The following FAM107B variants were observed in gnomAD, a reference collection of about 807,000 sequenced individuals.
FAM107B encodes family with sequence similarity 107 member B.
In FAM107B, 21 loss-of-function variants were observed where a neutral mutation model predicts 31.5. The ratio of observed to expected loss-of-function variants is 0.67; its 90% confidence interval spans 0.47 to 0.96. The LOEUF is 0.96. Among genes scored for constraint, FAM107B ranks in the 40% least tolerant of loss-of-function variants. The pLI is 0.00. For synonymous variants in FAM107B, 157 were observed against 141.5 expected, an observed-to-expected ratio of 1.11 and a Z score of -0.78; for missense variants, 452 against 377.1, an observed-to-expected ratio of 1.20 and a Z score of -1.64.
intron 2 of FAM107B, among the ~76,000 whole-genome samples, chr10:14,620,880 C>T (rs1378626508): frequency 1.3e-5 from 2 of 152,204 alleles, no homozygotes; most frequent in East Asian, 3.8e-4. Context: ...ATGTTTTGTA[C>T]TTTCCAGCAT....
At chr10:14,615,445 G>A (rs763105521) in intron 2 of FAM107B, among the ~76,000 whole-genome samples, 5 of 152,234 alleles carry the variant, frequency 3.3e-5, no homozygotes, top group Non-Finnish European at 5.9e-5. Flanking sequence ...CCTAGGCCTT[G>A]CTGAAGTGAA....
chr10:14,599,711 T>C (rs896908660), intron 2 of FAM107B, among the ~76,000 whole-genome samples: 2 of 152,196 alleles, frequency 1.3e-5, no homozygotes, highest in Non-Finnish European at 2.9e-5. Context: ...TATAAAAGAA[T>C]GTAGAATCTG....
At position 14,737,766 on chromosome 10, in the gene FAM107B, T is replaced by TTCTCTCTCTCTCTC. The variant is rs11276189; in HGVS notation, c.411+36473_411+36486dup. On this transcript the variant is annotated intron_variant, in intron 1 of 4. Coordinates refer to ENST00000181796, the MANE Select transcript of FAM107B (RefSeq NM_031453.4). Reference sequence around the variant, plus strand: ...CCATGCAGTGCTGTGCGTGCACGCTTTCTCTCTCTCTCTCTCTCTCTCTCT... The same window carrying TTCTCTCTCTCTCTC: ...CCATGCAGTGCTGTGCGTGCACGCTTTCTCTCTCTCTCTCTCTCTCTCTCTCTCTCTCTCTCTCT... 1.4e-3 allele frequency among the ~76,000 whole-genome samples: 173 copies of TTCTCTCTCTCTCTC among 127,110 alleles called. 6 individuals carry two copies. The highest frequency in any genetic ancestry group is 3.9e-3 in the Middle Eastern group (1 of 258). The allele number at this position is 127,110 out of a possible 152,430, so 83.4% of individuals were successfully genotyped here. A position where few individuals can be genotyped will look rare whatever the true frequency, so the allele number is the denominator to read the frequency against.
chr10:14,598,997 C>A (rs908468542), intron 2 of FAM107B, among the ~76,000 whole-genome samples: 3 of 152,202 alleles, frequency 2.0e-5, no homozygotes, highest in African/African-American at 4.8e-5. Flanking sequence ...CTCCACTCCT[C>A]TGGCCCAGGC....
At chr10:14,553,512 G>T in intron 2 of FAM107B, 2 of 435,040 alleles carry the variant, frequency 4.6e-6, no homozygotes, top group Non-Finnish European at 8.0e-6. Flanking sequence ...ATTAACAATG[G>T]GTAAGAAGGA....
chr10:14,646,547 C>T (rs936070703), intron 2 of FAM107B, among the ~76,000 whole-genome samples: 9 of 152,134 alleles, frequency 5.9e-5, no homozygotes, highest in Non-Finnish European at 2.9e-5. Flanking sequence ...CATATAAATG[C>T]CACATTTTCT....
chr10:14,714,408 C>T (rs1011004488), intron 1 of FAM107B, among the ~76,000 whole-genome samples: 7 of 152,156 alleles, frequency 4.6e-5, no homozygotes, highest in South Asian at 4.1e-4. Context: ...TGGCTCAGGA[C>T]GCAGGGATGA....
chr10:14,601,471 G>A (rs1983893), intron 2 of FAM107B, among the ~76,000 whole-genome samples: 12,247 of 152,150 alleles, frequency 0.08, 559 homozygotes, highest in Middle Eastern at 0.17. Context: ...ATTAGACAAG[G>A]GAACTATACA....
intron 2 of FAM107B, among the ~76,000 whole-genome samples, chr10:14,655,198 C>T (rs1018266356): frequency 1.3e-5 from 2 of 152,158 alleles, no homozygotes; most frequent in African/African-American, 4.8e-5. Context: ...AAGATTGACA[C>T]TAAGCCATTC....
intron 1 of FAM107B, among the ~76,000 whole-genome samples, chr10:14,682,639 G>C (rs750845062): frequency 3.3e-5 from 5 of 152,170 alleles, no homozygotes; most frequent in Non-Finnish European, 5.9e-5. Context: ...ACTAACATAA[G>C]AACAGAAAAC....
At chr10:14,538,734 A>T (rs1255104147) in intron 2 of FAM107B, among the ~76,000 whole-genome samples, 2 of 152,202 alleles carry the variant, frequency 1.3e-5, no homozygotes, top group African/African-American at 4.8e-5. Flanking sequence ...AGCTATTAAA[A>T]TTACTATCCA....
intron 2 of FAM107B, among the ~76,000 whole-genome samples, chr10:14,637,304 CTT>C (rs1853525164): frequency 6.6e-6 from 1 of 152,100 alleles, no homozygotes; most frequent in Non-Finnish European, 1.5e-5. Flanking sequence ...ATATCCTCCT[CTT>C]GAGTGTAGGC....
chr10:14,719,685 C>CCT (rs1249771109), intron 1 of FAM107B, among the ~76,000 whole-genome samples: 1 of 152,096 alleles, frequency 6.6e-6, no homozygotes, highest in African/African-American at 2.4e-5. Flanking sequence ...TATTTATGTT[C>CCT]CTCTCTCTCT....
chr10:14,764,429 A>G (rs1833121578), intron 1 of FAM107B, among the ~76,000 whole-genome samples: 1 of 152,190 alleles, frequency 6.6e-6, no homozygotes, highest in Non-Finnish European at 1.5e-5. Context: ...CGAAACACAC[A>G]CAAACCAGCT....
At chr10:14,534,672 A>C (rs932059611) in intron 2 of FAM107B, 1 of 152,196 alleles carries the variant, frequency 6.6e-6, no homozygotes, top group African/African-American at 2.4e-5. Context: ...AGCCAAACTC[A>C]CGCATCCAGC....
intron 1 of FAM107B, among the ~76,000 whole-genome samples, chr10:14,769,581 T>G (rs1453187342): frequency 6.6e-6 from 1 of 152,120 alleles, no homozygotes; most frequent in Non-Finnish European, 1.5e-5. Context: ...AGACGGGGTT[T>G]CACGATGTTG....
At chr10:14,652,635 G>C (rs1464554356) in intron 2 of FAM107B, 1 of 152,208 alleles carries the variant, frequency 6.6e-6, no homozygotes, top group African/African-American at 2.4e-5. Flanking sequence ...GTTATGCATT[G>C]TTCTAAGTGT....
At chr10:14,707,003 T>G (rs1315350520) in intron 1 of FAM107B, among the ~76,000 whole-genome samples, 5 of 152,088 alleles carry the variant, frequency 3.3e-5, no homozygotes, top group African/African-American at 7.2e-5. Flanking sequence ...CACGCGCCTG[T>G]AGTCCCAGCT....
chr10:14,688,881 C>G (rs2948720), intron 1 of FAM107B, among the ~76,000 whole-genome samples: 4 of 152,042 alleles, frequency 2.6e-5, no homozygotes, highest in Non-Finnish European at 4.4e-5. Context: ...TCTGAACATG[C>G]CTACTAGTCT....
Sources: allele counts gnomAD v4.1 joint callset (sites outside exome capture counted in the v4.1 genomes callset), GRCh38; gene constraint gnomAD v4.1.1; transcripts MANE v1.5; gene names NCBI Gene and HGNC (gene_info 2026-07-23, HGNC 2026-07-21).